The following LSAMP variants were observed in gnomAD, a reference collection of about 807,000 sequenced individuals.
LSAMP encodes the protein limbic system associated membrane protein.
A neutral mutation model predicts 38.6 loss-of-function variants in LSAMP; 7 were observed. The observed-to-expected ratio is 0.18, with a 90% CI of 0.10 to 0.34. The LOEUF is 0.34. Ranked by LOEUF, LSAMP falls within the 10% of genes least tolerant of loss-of-function variation. The probability of loss-of-function intolerance (pLI) is 1.00; values close to 1 mark genes in which losing one functional copy is unlikely to be tolerated. For synonymous variants in LSAMP, 154 were observed against 166.8 expected (o/e 0.92, Z 0.59); for missense variants, 313 against 420.0 (o/e 0.75, Z 2.23).
chr3:115,911,126 AC>A (rs1176889106), intron 3 of LSAMP, among the ~76,000 whole-genome samples: 1 of 152,192 alleles, frequency 6.6e-6, no homozygotes, highest in African/African-American at 2.4e-5. Context: ...AGGAACATGT[AC>A]TTTGAAGAGT....
At chr3:115,901,720 C>A (rs1431114946) in intron 3 of LSAMP, among the ~76,000 whole-genome samples, 1 of 152,138 alleles carries the variant, frequency 6.6e-6, no homozygotes, top group Non-Finnish European at 1.5e-5. Context: ...CCAATACATT[C>A]TCTTCCTTTC....
chr3:116,002,000 A>G (rs1008761380), intron 3 of LSAMP, among the ~76,000 whole-genome samples: 1 of 152,148 alleles, frequency 6.6e-6, no homozygotes, highest in African/African-American at 2.4e-5. Flanking sequence ...TTTCATCACA[A>G]TGTTATCCTT....
chr3:116,301,249 T>G (rs889450795), intron 1 of LSAMP, among the ~76,000 whole-genome samples: 2 of 152,168 alleles, frequency 1.3e-5, no homozygotes, highest in African/African-American at 4.8e-5. Flanking sequence ...TTACCAAGGC[T>G]GAAGAGTAGA....
chr3:116,200,114 AC>A (rs1461847899), intron 1 of LSAMP, among the ~76,000 whole-genome samples: 87 of 151,996 alleles, frequency 5.7e-4, no homozygotes, highest in Middle Eastern at 3.4e-3. Flanking sequence ...ACACACACAC[AC>A]ACACACACAC....
At position 116,110,633 on chromosome 3, in the gene LSAMP, T is replaced by A. The variant is rs13067904; in HGVS notation, c.156-24077A>T. 7.9e-3 allele frequency among the ~76,000 whole-genome samples: 1,201 copies of A among 151,122 alleles called. 14 individuals carry two copies. Among genetic ancestry groups the A allele is most frequent in the African/African-American group, 0.021 (853 of 41,160 alleles). ...GATAGTGAGGGAGGTTGGAGAAGAGTGTAAAAAGAGGCCGCTTACCAGATT... is the reference window on the plus strand; with the variant it reads ...GATAGTGAGGGAGGTTGGAGAAGAGAGTAAAAAGAGGCCGCTTACCAGATT... On this transcript the variant is annotated intron_variant, in intron 1 of 6. Transcript: ENST00000490035.
chr3:116,040,010 C>G (rs2107715468), intron 2 of LSAMP, among the ~76,000 whole-genome samples: 1 of 151,374 alleles, frequency 6.6e-6, no homozygotes, highest in East Asian at 1.9e-4. Flanking sequence ...GGGAAAAAAA[C>G]TGGTCCCCTT....
At chr3:116,196,215 C>T (rs571903369) in intron 1 of LSAMP, among the ~76,000 whole-genome samples, 3 of 152,226 alleles carry the variant, frequency 2.0e-5, no homozygotes, top group African/African-American at 7.2e-5. Context: ...CTAGTAAGTA[C>T]TCAAGGGGAC....
chr3:115,875,300 T>C (rs1323226423), intron 3 of LSAMP, among the ~76,000 whole-genome samples: 1 of 152,154 alleles, frequency 6.6e-6, no homozygotes, highest in Non-Finnish European at 1.5e-5. Context: ...AATAAGATTT[T>C]CCTCCTGCTC....
intron 1 of LSAMP, among the ~76,000 whole-genome samples, chr3:116,401,893 T>C (rs1446002930): frequency 2.6e-5 from 4 of 152,236 alleles, no homozygotes; most frequent in African/African-American, 7.2e-5. Context: ...CTAGGTCTTA[T>C]GATTTTTGTG....
intron 1 of LSAMP, among the ~76,000 whole-genome samples, chr3:116,236,753 T>C (rs140919564): frequency 2.9e-4 from 44 of 152,206 alleles, no homozygotes; most frequent in African/African-American, 1.0e-3. Context: ...TGTTTAAAGT[T>C]CTTTACCTCA....
intron 1 of LSAMP, among the ~76,000 whole-genome samples, chr3:116,406,224 A>AAT (rs2048895364): frequency 6.6e-6 from 1 of 152,102 alleles, no homozygotes; most frequent in South Asian, 2.1e-4. Context: ...TGCATGAAGC[A>AAT]GTACAGGCCA....
rs2049493617 is a variant in LSAMP at position 116,445,127 on chromosome 3, G to A, written c.-96C>T. On this transcript the variant is annotated 5_prime_UTR_variant, in exon 1 of 7. Transcript: ENST00000490035. ...CACCAACACGGGGCTTTCATCCACA[G>A]CGAGCGCAGAGCGGGCTTTGCCAGT... The A allele has an allele frequency of 3.1e-6, 4 of 1,303,726 alleles. No individual in the cohort carries two copies. Among genetic ancestry groups the A allele is most frequent in the Non-Finnish European group, 4.2e-6 (4 of 949,836 alleles). The allele number at this position is 1,303,726 out of a possible 1,614,324, so 80.8% of individuals were successfully genotyped here.
At chr3:116,258,657 C>G (rs2046787048) in intron 1 of LSAMP, among the ~76,000 whole-genome samples, 1 of 152,060 alleles carries the variant, frequency 6.6e-6, no homozygotes, top group Admixed American at 6.5e-5. Context: ...CAGTTTGAAT[C>G]AATGAAGCAA....
intron 3 of LSAMP, among the ~76,000 whole-genome samples, chr3:115,888,677 C>T (rs149051935): frequency 5.9e-5 from 9 of 152,034 alleles, no homozygotes; most frequent in South Asian, 2.1e-4. Flanking sequence ...AGCTCATAAC[C>T]CTTCTTTTTG....
intron 1 of LSAMP, among the ~76,000 whole-genome samples, chr3:116,214,248 AAAAAG>A (rs1368245482): frequency 6.6e-6 from 1 of 152,210 alleles, no homozygotes; most frequent in Admixed American, 6.5e-5. Context: ...TTTACTTTCT[AAAAAG>A]GCTTATCATT....
intron 4 of LSAMP, 25 bp downstream of exon 4, chr3:115,852,458 A>T: frequency 6.3e-7 from 1 of 1,592,314 alleles, no homozygotes; most frequent in Non-Finnish European, 8.5e-7. Context: ...GGCACCTAGC[A>T]CCTGCTGGCT....
At chr3:115,875,777 T>C (rs1021029861) in intron 3 of LSAMP, among the ~76,000 whole-genome samples, 3 of 152,038 alleles carry the variant, frequency 2.0e-5, no homozygotes, top group Admixed American at 2.0e-4. Context: ...AAAATCATAG[T>C]TCCCATCTAC....
At chr3:115,901,308 A>G (rs376408915) in intron 3 of LSAMP, among the ~76,000 whole-genome samples, 1 of 151,992 alleles carries the variant, frequency 6.6e-6, no homozygotes, top group African/African-American at 2.4e-5. Context: ...GTATAATAAT[A>G]CATTTTTGTA....
chr3:116,351,734 CT>C (rs915375579), intron 1 of LSAMP, among the ~76,000 whole-genome samples: 1 of 152,038 alleles, frequency 6.6e-6, no homozygotes, highest in African/African-American at 2.4e-5. Flanking sequence ...GTGAAAGATT[CT>C]TTTGCTATCC....
Sources: allele counts gnomAD v4.1 joint callset (sites outside exome capture counted in the v4.1 genomes callset), GRCh38; gene constraint gnomAD v4.1.1; transcripts MANE v1.5; gene names NCBI Gene and HGNC (gene_info 2026-07-23, HGNC 2026-07-21).